The following LDLRAD3 variants were observed in gnomAD, a reference collection of about 807,000 sequenced individuals.
The protein encoded by LDLRAD3 is low density lipoprotein receptor class A domain containing 3.
Under a neutral mutation model 29.4 loss-of-function variants are expected in LDLRAD3, and 20 were observed. The ratio of observed to expected loss-of-function variants is 0.68; its 90% CI spans 0.48 to 0.99. LDLRAD3 has a LOEUF of 0.99. Among genes scored for constraint, LDLRAD3 ranks in the 50% least tolerant of loss-of-function variants. The probability of loss-of-function intolerance (pLI) is 0.00; values close to 1 mark genes in which losing one functional copy is unlikely to be tolerated. For missense variants in LDLRAD3, 420 were observed against 454.3 expected, an observed-to-expected ratio of 0.92 and a Z score of 0.69; for synonymous variants, 157 against 192.7, an observed-to-expected ratio of 0.81 and a Z score of 1.53.
intron 4 of LDLRAD3, among the ~76,000 whole-genome samples, chr11:36,113,823 G>A (rs1454723126): frequency 1.3e-5 from 2 of 151,958 alleles, no homozygotes; most frequent in Non-Finnish European, 2.9e-5. Context: ...ACAGGCCCAC[G>A]CCACCACACC....
chr11:36,010,762 A>C (rs559106489), intron 1 of LDLRAD3, among the ~76,000 whole-genome samples: 1 of 152,170 alleles, frequency 6.6e-6, no homozygotes, highest in Non-Finnish European at 1.5e-5. Context: ...TATTCCATGC[A>C]GCATTCCATG....
chr11:36,081,659 C>G lies in LDLRAD3; in HGVS notation c.200C>G (p.Ala67Gly). 1 of 1,614,250 alleles carries G rather than the reference C, an allele frequency of 6.2e-7. No homozygotes were observed. Among genetic ancestry groups the G allele is most frequent in the Admixed American group, 1.7e-5 (1 of 60,030 alleles). ...DKSDEKECPK[A>G]KSKCGPTFFP... ...TTTCTTTTTCTTCCTGCAGCCAAGG[C>G]TAAGTCGAAATGTGGCCCAACCTTC... The change falls in exon 3 of 6, where the codon GCT (alanine) becomes GGT (glycine). Residue 67 changes from alanine (A) to glycine (G), a missense_variant. Physicochemically the swap from Ala to Gly is moderately conservative, Grantham distance 60. This residue lies in a region of LDLRAD3 where 224 missense variants were observed against 222.2 expected (regional missense o/e 1.01). Transcript: ENST00000315571.
intron 1 of LDLRAD3, chr11:36,001,269 G>A (rs2133177873): frequency 6.6e-6 from 1 of 152,278 alleles, no homozygotes; most frequent in African/African-American, 2.4e-5. Flanking sequence ...AGTTACATAT[G>A]TATACATGTG....
intron 4 of LDLRAD3, among the ~76,000 whole-genome samples, chr11:36,147,237 C>T (rs1854210757): frequency 1.3e-5 from 2 of 149,526 alleles, no homozygotes; most frequent in African/African-American, 5.0e-5. Context: ...CCTGCCTCAG[C>T]CTCCCGAGTA....
chr11:36,044,130 C>A (rs905352463), intron 2 of LDLRAD3, among the ~76,000 whole-genome samples: 1 of 152,140 alleles, frequency 6.6e-6, no homozygotes, highest in Non-Finnish European at 1.5e-5. Flanking sequence ...GTTCTTCCCC[C>A]AGCTTCCATT....
intron 4 of LDLRAD3, among the ~76,000 whole-genome samples, chr11:36,135,858 C>T (rs200970766): frequency 6.6e-6 from 1 of 152,046 alleles, no homozygotes; most frequent in African/African-American, 2.4e-5. Context: ...TGCAGTGAGC[C>T]GAGATAGCAC....
intron 1 of LDLRAD3, among the ~76,000 whole-genome samples, chr11:36,029,010 C>T (rs531266304): frequency 3.9e-5 from 6 of 152,174 alleles, no homozygotes; most frequent in East Asian, 1.9e-4. Flanking sequence ...TTTGGGAGGC[C>T]GAGGCAGGCG....
chr11:35,962,825 A>C (rs1434144231), intron 1 of LDLRAD3, among the ~76,000 whole-genome samples: 1 of 152,236 alleles, frequency 6.6e-6, no homozygotes, highest in African/African-American at 2.4e-5. Context: ...TCAGAACTCA[A>C]CGTGGGTGGG....
At chr11:36,104,948 T>G (rs1422389387) in intron 4 of LDLRAD3, among the ~76,000 whole-genome samples, 1 of 152,138 alleles carries the variant, frequency 6.6e-6, no homozygotes, top group Admixed American at 6.5e-5. Flanking sequence ...CTCTTTGTAC[T>G]CCAAAAGTTT....
At chr11:36,223,572 T>G (rs1364972348) in intron 4 of LDLRAD3, among the ~76,000 whole-genome samples, 1 of 151,988 alleles carries the variant, frequency 6.6e-6, no homozygotes, top group African/African-American at 2.4e-5. Context: ...TTACAAAATA[T>G]GCAAACATTA....
chr11:36,093,619 C>T (rs1190695231), intron 3 of LDLRAD3, among the ~76,000 whole-genome samples: 1 of 152,196 alleles, frequency 6.6e-6, no homozygotes, highest in African/African-American at 2.4e-5. Context: ...CCAGGCCTTA[C>T]TGCACCCCAG....
At chr11:36,042,869 C>G (rs934943422) in intron 2 of LDLRAD3, among the ~76,000 whole-genome samples, 2 of 152,196 alleles carry the variant, frequency 1.3e-5, no homozygotes, top group African/African-American at 4.8e-5. Flanking sequence ...GGGAATCAAC[C>G]CTGCTAACAC....
chr11:35,970,174 C>G (rs949417982), intron 1 of LDLRAD3, among the ~76,000 whole-genome samples: 6 of 152,076 alleles, frequency 3.9e-5, no homozygotes, highest in Admixed American at 6.5e-5. Context: ...AAATTGTGTC[C>G]CCTGAAAAGG....
chr11:36,100,682 C>G (rs993167495), intron 4 of LDLRAD3, among the ~76,000 whole-genome samples: 1 of 152,208 alleles, frequency 6.6e-6, no homozygotes, highest in Admixed American at 6.5e-5. Flanking sequence ...TGTGATCTGC[C>G]TGCCTCAGCC....
chr11:36,010,976 T>C (rs898135785), intron 1 of LDLRAD3, among the ~76,000 whole-genome samples: 82 of 152,270 alleles, frequency 5.4e-4, no homozygotes, highest in African/African-American at 1.9e-3. Flanking sequence ...TGGCTGATTT[T>C]GTATTTTTAG....
chr11:36,067,546 C>G (rs1274711933), intron 2 of LDLRAD3, among the ~76,000 whole-genome samples: 1 of 152,214 alleles, frequency 6.6e-6, no homozygotes, highest in Admixed American at 6.5e-5. Flanking sequence ...GTGTTCATCT[C>G]TCTATTTCCT....
chr11:36,215,872 T>A (rs975399449), intron 4 of LDLRAD3, among the ~76,000 whole-genome samples: 4 of 152,002 alleles, frequency 2.6e-5, no homozygotes, highest in Middle Eastern at 3.4e-3. Context: ...CAGGCAGGAG[T>A]AGCACCGATG....
intron 4 of LDLRAD3, among the ~76,000 whole-genome samples, chr11:36,112,171 G>A (rs1241062096): frequency 1.3e-5 from 2 of 152,146 alleles, no homozygotes; most frequent in African/African-American, 4.8e-5. Context: ...ATGCAGGCTT[G>A]TTGTTGCAAC....
At chr11:35,988,155 T>C (rs1590707863) in intron 1 of LDLRAD3, among the ~76,000 whole-genome samples, 1 of 152,122 alleles carries the variant, frequency 6.6e-6, no homozygotes, top group African/African-American at 2.4e-5. Flanking sequence ...TCTCGTCGGG[T>C]CAAGCCATCC....
Sources: gnomAD v4.1 joint callset for allele counts (sites outside exome capture counted in the v4.1 genomes callset) on GRCh38, gnomAD v4.1.1 for gene constraint, gnomAD v4.1.1 regional missense constraint, MANE v1.5 for transcripts, NCBI Gene and HGNC (gene_info 2026-07-23, HGNC 2026-07-21) for gene names.